USP6NL: variants seen among roughly 807,000 people sequenced by gnomAD.
USP6NL encodes the protein USP6 N-terminal-like protein.
A neutral mutation model predicts 61.9 loss-of-function variants in USP6NL; 26 were observed. That is an observed-to-expected ratio of 0.42 (90% confidence interval 0.31 to 0.58). The LOEUF (loss-of-function observed/expected upper bound fraction) is 0.58. Among genes scored for constraint, USP6NL ranks in the 20% least tolerant of loss-of-function variants. The pLI, the probability that USP6NL is intolerant of heterozygous loss-of-function variation, is 0.16. For missense variants in USP6NL, 1,114 were observed against 1,034.3 expected (o/e 1.08, Z -1.06); for synonymous variants, 432 against 390.1 (o/e 1.11, Z -1.27).
intron 2 of USP6NL, among the ~76,000 whole-genome samples, chr10:11,584,035 A>G (rs1363422986): frequency 6.6e-6 from 1 of 152,166 alleles, no homozygotes; most frequent in Non-Finnish European, 1.5e-5. Context: ...TCTCAAAAAA[A>G]GAAAAGGAAA....
chr10:11,590,754 A>G, intron 2 of USP6NL, among the ~76,000 whole-genome samples: 1 of 152,108 alleles, frequency 6.6e-6, no homozygotes, highest in East Asian at 1.9e-4. Flanking sequence ...AATTTGAAAC[A>G]TAATTCCCCT....
chr10:11,500,587 A>G (rs1355705917), intron 7 of USP6NL, among the ~76,000 whole-genome samples: 1 of 152,192 alleles, frequency 6.6e-6, no homozygotes, highest in African/African-American at 2.4e-5. Flanking sequence ...CAAAAGTTTA[A>G]CTTTTTATTA....
At chr10:11,538,658 T>C (rs971807772) in intron 2 of USP6NL, among the ~76,000 whole-genome samples, 1 of 152,230 alleles carries the variant, frequency 6.6e-6, no homozygotes, top group Non-Finnish European at 1.5e-5. Context: ...AAAAAAAGTA[T>C]ACTTTTGCTA....
At chr10:11,467,301 T>C (rs1177891451) in intron 14 of USP6NL, among the ~76,000 whole-genome samples, 4 of 152,212 alleles carry the variant, frequency 2.6e-5, no homozygotes, top group Admixed American at 2.0e-4. Context: ...CAGGTAAATA[T>C]ATCACAAGTT....
chr10:11,491,012 T>A lies in USP6NL; in HGVS notation c.495-132A>T, dbSNP rs531355688. Reference sequence around the variant, plus strand: ...ATAAAATTACTAATGTAATAAATTATCCCAAGTTCAAATTCAAACAACACT... The same window carrying A: ...ATAAAATTACTAATGTAATAAATTAACCCAAGTTCAAATTCAAACAACACT... On this transcript the variant is annotated intron_variant, in intron 8 of 14. Coordinates refer to ENST00000609104, the MANE Select transcript of USP6NL (RefSeq NM_014688.5). The surrounding 1 kb of genome is among the most constrained non-coding windows in gnomAD (Gnocchi z 4.7). The A allele has an allele frequency of 5.3e-6, 4 of 761,896 alleles. No homozygotes were observed. The African/African-American group carries it at 7.2e-5, about 14-fold the overall frequency. The allele number at this position is 761,896 out of a possible 1,614,324, so 47.2% of individuals were successfully genotyped here.
At chr10:11,606,576 G>T (rs867375786) in intron 1 of USP6NL, among the ~76,000 whole-genome samples, 2 of 152,190 alleles carry the variant, frequency 1.3e-5, no homozygotes, top group South Asian at 2.1e-4. Context: ...ATTATTTACT[G>T]CATTATCTAG....
At chr10:11,506,152 C>A (rs190993338) in intron 6 of USP6NL, among the ~76,000 whole-genome samples, 5 of 152,208 alleles carry the variant, frequency 3.3e-5, no homozygotes, top group African/African-American at 9.6e-5. Flanking sequence ...AGGCAATATG[C>A]CTCCATTTTC....
At position 11,551,387 on chromosome 10, in the gene USP6NL, G is replaced by A. The variant is rs138494512; in HGVS notation, c.5-23820C>T. Among the ~76,000 whole-genome samples, 452 of 152,310 alleles carry A rather than the reference G, an allele frequency of 3.0e-3. 4 individuals are homozygous for A. Among genetic ancestry groups the A allele is most frequent in the African/African-American group, 0.01 (428 of 41,582 alleles). On this transcript the variant is annotated intron_variant, in intron 2 of 14. Transcript: ENST00000609104. ...TCATTTATATGAAATGCTAGAAAAT[G>A]TATGTTTGTTTACTTGTTTATTTTG... is the stretch of plus-strand genomic sequence containing the variant.
At position 11,525,344 on chromosome 10, in the gene USP6NL, C is replaced by T. The variant is rs370592992; in HGVS notation, c.155+42G>A. ...TCAATATAATAGGTGACCACAGAAA[C>T]GTTATAATCTAAAAAGCAAGCTTTC... On this transcript the variant is annotated intron_variant, in intron 4 of 14. Transcript: ENST00000609104. This position sits in a 1 kb window ranked among gnomAD's most constrained non-coding sequence, Gnocchi z 5.0. 158 of 1,489,138 alleles carry T rather than the reference C, an allele frequency of 1.1e-4. No homozygotes were observed. Among genetic ancestry groups the T allele is most frequent in the South Asian group, 5.2e-4 (41 of 79,262 alleles). The allele number at this position is 1,489,138 out of a possible 1,614,324, so 92.2% of individuals were successfully genotyped here.
intron 1 of USP6NL, among the ~76,000 whole-genome samples, chr10:11,608,390 G>A (rs1838774424): frequency 2.0e-5 from 3 of 152,254 alleles, no homozygotes; most frequent in African/African-American, 2.4e-5. Context: ...CAGTGCCAAG[G>A]GCCTTCTCCA....
chr10:11,572,886 T>C (rs1837412682), intron 2 of USP6NL, among the ~76,000 whole-genome samples: 1 of 152,178 alleles, frequency 6.6e-6, no homozygotes, highest in Non-Finnish European at 1.5e-5. Flanking sequence ...AGAATTGTAC[T>C]ATTTTAAATG....
At position 11,523,907 on chromosome 10, in the gene USP6NL, C is replaced by A. The variant is rs1473185575; in HGVS notation, c.155+1479G>T. 2.0e-5 allele frequency among the ~76,000 whole-genome samples: 3 copies of A among 152,196 alleles called. No individual in the cohort carries two copies. In the East Asian group the frequency reaches 5.8e-4, roughly 29 times the overall value. ...GGAAAGACATGGAAATCTATTTAAA[C>A]AGTTTCCCAGCTGATTCTAATGTGC... On this transcript the variant is annotated intron_variant, in intron 4 of 14. Transcript: ENST00000609104.
intron 2 of USP6NL, among the ~76,000 whole-genome samples, chr10:11,560,487 T>A (rs996763447): frequency 5.3e-5 from 8 of 151,748 alleles, no homozygotes; most frequent in Non-Finnish European, 7.4e-5. Context: ...GGCTCAGGAT[T>A]TTTTTTTCTT....
At position 11,482,062 on chromosome 10, in the gene USP6NL, C is replaced by T; in HGVS notation, c.926-140G>A. On this transcript the variant is annotated intron_variant, in intron 13 of 14. Transcript: ENST00000609104. This position sits in a 1 kb window ranked among gnomAD's most constrained non-coding sequence, Gnocchi z 4.0. ...TACAACTTACATATGGCATTGAGGA[C>T]ATCATTAAAACTCAGTAAGACAAAA... is the stretch of plus-strand genomic sequence containing the variant. 1.2e-6 allele frequency: 1 copy of T among 828,780 alleles called. No individual in the cohort carries two copies. The highest frequency in any genetic ancestry group is 1.7e-6 in the Non-Finnish European group (1 of 575,218). The allele number at this position is 828,780 out of a possible 1,614,324, so 51.3% of individuals were successfully genotyped here.
Position 11,462,811 on chromosome 10 carries a change from C to A in USP6NL, c.2117G>T (p.Gly706Val), listed in dbSNP as rs1186268265. The A allele has an allele frequency of 2.5e-6, 4 of 1,613,996 alleles. No individual in the cohort carries two copies. The highest frequency in any genetic ancestry group is 1.7e-5 in the Admixed American group (1 of 60,022). Residue 706 changes from glycine to valine, a missense_variant, in exon 15 of 15, where the codon GGT (glycine) becomes GTT (valine). Transcript: ENST00000609104. ...SRIEVLPVDTGAGGYSGNSGS... is the reference protein window; with the variant it reads ...SRIEVLPVDTVAGGYSGNSGS... ...TGAATTGCCCGAATATCCCCCAGCA[C>A]CAGTGTCAACAGGGAGGACTTCTAT...
At chr10:11,601,670 C>A (rs1315116053) in intron 1 of USP6NL, among the ~76,000 whole-genome samples, 2 of 152,080 alleles carry the variant, frequency 1.3e-5, no homozygotes, top group East Asian at 1.9e-4. Flanking sequence ...AATCTTTAAG[C>A]CATGCTTAAG....
chr10:11,497,411 C>CAAAAAA (rs11307707), intron 7 of USP6NL, among the ~76,000 whole-genome samples: 1 of 106,058 alleles, frequency 9.4e-6, no homozygotes, highest in African/African-American at 3.7e-5. Context: ...GACTCAGTCT[C>CAAAAAA]AAAAAAAAAA....
Position 11,463,087 on chromosome 10 carries a change from C to T in USP6NL, c.1841G>A (p.Arg614Gln). Residue 614 changes from arginine (R) to glutamine (Q), a missense_variant, in exon 15 of 15, where the codon CGA becomes CAA. By Grantham distance (43) the Arg-to-Gln change is conservative. Transcript: ENST00000609104. This position sits in a 1 kb window ranked among gnomAD's most constrained non-coding sequence, Gnocchi z 6.3. ...TTCCCCATCTAGCTGGGACGGATAT[C>T]GTGCATGACTTGGAGGCTGTACTTT... ...TFKVQPPSHA[R>Q]YPSQLDGEAR... is the part of the protein sequence containing the mutation. 3.7e-6 allele frequency: 6 copies of T among 1,614,006 alleles called. No individual in the cohort carries two copies. The highest frequency in any genetic ancestry group is 2.5e-6 in the Non-Finnish European group (3 of 1,179,896).
chr10:11,472,229 A>C (rs926076795), intron 14 of USP6NL, among the ~76,000 whole-genome samples: 2 of 152,222 alleles, frequency 1.3e-5, no homozygotes, highest in African/African-American at 4.8e-5. Context: ...CTTAAAAAAG[A>C]AGCCAACAAA....
Sources: gnomAD v4.1 joint callset for allele counts (sites outside exome capture counted in the v4.1 genomes callset) on GRCh38, gnomAD v4.1.1 for gene constraint, Gnocchi (gnomAD v3.1) non-coding constraint, MANE v1.5 for transcripts, NCBI Gene and HGNC (gene_info 2026-07-23, HGNC 2026-07-21) for gene names.